RIMS1: variants seen among roughly 807,000 people sequenced by gnomAD.
RIMS1 encodes regulating synaptic membrane exocytosis 1.
Under a neutral mutation model 214.1 loss-of-function variants are expected in RIMS1, and 83 were observed. That is an observed-to-expected ratio of 0.39 (90% CI 0.32 to 0.47). RIMS1 has a LOEUF of 0.47. Ranked by LOEUF, RIMS1 falls within the 20% of genes least tolerant of loss-of-function variation. RIMS1 has a pLI of 0.99. For synonymous variants in RIMS1, 793 were observed against 786.8 expected (o/e 1.01, Z -0.13); for missense variants, 2,050 against 2,161.8 (o/e 0.95, Z 1.03).
At chr6:72,108,267 TA>T in intron 4 of RIMS1, among the ~76,000 whole-genome samples, 1 of 55,372 alleles carries the variant, frequency 1.8e-5, no homozygotes. Flanking sequence ...TGTGTGTGTG[TA>T]TGTGGAGACT....
intron 4 of RIMS1, among the ~76,000 whole-genome samples, chr6:72,116,781 C>A (rs1340346313): frequency 6.6e-6 from 1 of 151,912 alleles, no homozygotes; most frequent in Non-Finnish European, 1.5e-5. Flanking sequence ...TTTTAAATTT[C>A]TTCTCTCACC....
intron 1 of RIMS1, among the ~76,000 whole-genome samples, chr6:71,956,102 AT>A (rs919969624): frequency 1.7e-4 from 26 of 152,234 alleles, no homozygotes; most frequent in African/African-American, 6.0e-4. Flanking sequence ...AAATATATAT[AT>A]ATATGAAATG....
chr6:71,989,272 G>A (rs1800886234), intron 2 of RIMS1, among the ~76,000 whole-genome samples: 1 of 152,186 alleles, frequency 6.6e-6, no homozygotes, highest in Non-Finnish European at 1.5e-5. Context: ...CACATAACAG[G>A]TGCTCAATAT....
chr6:72,313,705 T>A (rs1226432061), intron 28 of RIMS1, 33 bp downstream of exon 28: 2 of 1,562,666 alleles, frequency 1.3e-6, no homozygotes, highest in African/African-American at 1.4e-5. Flanking sequence ...ATAAACTGGA[T>A]CTTTATCTGT....
Position 72,342,509 on chromosome 6 carries a change from G to A in RIMS1, c.4366+8674G>A, listed in dbSNP as rs183208042. 4.5e-3 allele frequency among the ~76,000 whole-genome samples: 678 copies of A among 151,800 alleles called. 2 individuals are homozygous for A. Among genetic ancestry groups the A allele is most frequent in the South Asian group, 7.3e-3 (35 of 4,822 alleles). On this transcript the variant is annotated intron_variant, in intron 29 of 33. Transcript: ENST00000521978. ...TATGAACTTTTCTTCAGGGAGCTTA[G>A]CATTAGGAAGGAAAGAGATCAAATG...
At chr6:72,141,159 A>G (rs1429931676) in intron 4 of RIMS1, among the ~76,000 whole-genome samples, 2 of 152,078 alleles carry the variant, frequency 1.3e-5, no homozygotes, top group Non-Finnish European at 2.9e-5. Context: ...TATTTGAAAC[A>G]AATCTATAAA....
At chr6:72,256,611 G>A (rs1195961676) in intron 16 of RIMS1, among the ~76,000 whole-genome samples, 1 of 151,662 alleles carries the variant, frequency 6.6e-6, no homozygotes, top group Non-Finnish European at 1.5e-5. Context: ...TAATTATTGT[G>A]TAATTGATAC....
At chr6:71,961,015 A>G (rs1031148317) in intron 1 of RIMS1, among the ~76,000 whole-genome samples, 1 of 152,186 alleles carries the variant, frequency 6.6e-6, no homozygotes, top group African/African-American at 2.4e-5. Context: ...GATAGGTGGA[A>G]AGAGAGAGCC....
intron 26 of RIMS1, among the ~76,000 whole-genome samples, chr6:72,297,134 A>G (rs1009415234): frequency 5.9e-5 from 9 of 151,998 alleles, no homozygotes; most frequent in African/African-American, 2.2e-4. Context: ...AGTGTCTGAT[A>G]TATTAGGCAA....
At chr6:72,130,513 G>C (rs2040272425) in intron 4 of RIMS1, among the ~76,000 whole-genome samples, 1 of 152,044 alleles carries the variant, frequency 6.6e-6, no homozygotes, top group African/African-American at 2.4e-5. Flanking sequence ...CATAATGAGG[G>C]ATAATCTCCT....
At chr6:72,074,885 CTATGGAT>C (rs1831424204) in intron 2 of RIMS1, among the ~76,000 whole-genome samples, 1 of 152,064 alleles carries the variant, frequency 6.6e-6, no homozygotes, top group Admixed American at 6.5e-5. Context: ...GACATGAAGT[CTATGGAT>C]TAATTAATGG....
chr6:72,152,511 A>C (rs1289620761), intron 4 of RIMS1, among the ~76,000 whole-genome samples: 1 of 152,020 alleles, frequency 6.6e-6, no homozygotes, highest in Non-Finnish European at 1.5e-5. Context: ...CTGTATCACC[A>C]ACTTTGGATT....
intron 2 of RIMS1, among the ~76,000 whole-genome samples, chr6:71,975,024 A>G (rs912165668): frequency 2.6e-5 from 4 of 152,176 alleles, no homozygotes; most frequent in African/African-American, 9.7e-5. Context: ...CCCAAATACC[A>G]CCTGTACCCC....
At chr6:72,251,121 AAT>A (rs772174805) in intron 14 of RIMS1, 29 bp downstream of exon 14, 1 of 1,560,292 alleles carries the variant, frequency 6.4e-7, no homozygotes, top group East Asian at 2.4e-5. Context: ...ACTCAAGTCA[AAT>A]AGTTAATAAA....
At chr6:72,073,286 G>A (rs573866256) in intron 2 of RIMS1, among the ~76,000 whole-genome samples, 4 of 152,152 alleles carry the variant, frequency 2.6e-5, no homozygotes, top group African/African-American at 9.6e-5. Context: ...GTATGAATCC[G>A]TATTGGCTCT....
chr6:72,168,130 T>C (rs1203892548), intron 4 of RIMS1, among the ~76,000 whole-genome samples: 3 of 151,982 alleles, frequency 2.0e-5, no homozygotes, highest in Non-Finnish European at 2.9e-5. Context: ...TAAATTTGAG[T>C]CATTGTGTTC....
chr6:71,998,706 G>C (rs1049738729), intron 2 of RIMS1, among the ~76,000 whole-genome samples: 4 of 151,368 alleles, frequency 2.6e-5, no homozygotes, highest in Non-Finnish European at 5.9e-5. Flanking sequence ...ATCTATTTTT[G>C]AATACTATAT....
chr6:71,891,786 A>T (rs1232639917), intron 1 of RIMS1, among the ~76,000 whole-genome samples: 1 of 152,252 alleles, frequency 6.6e-6, no homozygotes, highest in Non-Finnish European at 1.5e-5. Context: ...GCTACTGCTG[A>T]CTTGACTAAT....
chr6:72,284,207 TA>T (rs750168902), intron 24 of RIMS1, 89 bp downstream of exon 24: 2 of 1,088,658 alleles, frequency 1.8e-6, no homozygotes, highest in Non-Finnish European at 2.7e-6. Context: ...GATCAGTTCT[TA>T]AACACAAATT....
Sources: allele counts gnomAD v4.1 joint callset (sites outside exome capture counted in the v4.1 genomes callset), GRCh38; gene constraint gnomAD v4.1.1; transcripts MANE v1.5; gene names NCBI Gene and HGNC (gene_info 2026-07-23, HGNC 2026-07-21).